Variants in ATG5 observed in about 807,000 individuals in gnomAD.
ATG5 encodes autophagy related 5.
In ATG5, 14 loss-of-function variants were observed where a neutral mutation model predicts 36.5. That is an observed-to-expected ratio of 0.38 (90% CI 0.25 to 0.60). ATG5 has a LOEUF of 0.60. Among genes scored for constraint, ATG5 ranks in the 20% least tolerant of loss-of-function variants. The pLI, the probability that ATG5 is intolerant of heterozygous loss-of-function variation, is 0.60. For missense variants in ATG5, 195 were observed against 326.7 expected, an observed-to-expected ratio of 0.60 and a Z score of 3.11; for synonymous variants, 95 against 101.5, an observed-to-expected ratio of 0.94 and a Z score of 0.38.
intron 6 of ATG5, among the ~76,000 whole-genome samples, chr6:106,204,485 C>G (rs1776556539): frequency 6.6e-6 from 1 of 152,022 alleles, no homozygotes; most frequent in Admixed American, 6.6e-5. Context: ...GATTGATATC[C>G]TTTGATATGT....
rs1778425828 is a variant in ATG5, at chr6:106,248,231, C to T, written c.492G>A (p.Gln164=). 1 of 1,606,846 alleles carries T rather than the reference C, an allele frequency of 6.2e-7. No individual in the cohort carries two copies. Among genetic ancestry groups the T allele is most frequent in the Non-Finnish European group, 8.5e-7 (1 of 1,173,606 alleles). ...WMGLQNDRFD[Q]FWAINRKLME... is the part of the protein sequence containing the mutation. Reference sequence around the variant, plus strand: ...TGAGTTTCCGATTGATGGCCCAAAACTGGTCAAATCTGTCTGTAATGATAT... The same window carrying T: ...TGAGTTTCCGATTGATGGCCCAAAATTGGTCAAATCTGTCTGTAATGATAT... Residue 164 remains glutamine (Q), a synonymous_variant, in exon 6 of 8, where the codon CAG becomes CAA. Coordinates refer to ENST00000369076, the MANE Select transcript of ATG5 (RefSeq NM_004849.4).
At chr6:106,226,574 A>G (rs1379005812) in intron 6 of ATG5, among the ~76,000 whole-genome samples, 1 of 152,224 alleles carries the variant, frequency 6.6e-6, no homozygotes, top group Non-Finnish European at 1.5e-5. Flanking sequence ...GGAAAGTATC[A>G]GAACAATATT....
intron 5 of ATG5, among the ~76,000 whole-genome samples, chr6:106,267,641 T>G (rs184164783): frequency 9.2e-5 from 14 of 152,030 alleles, no homozygotes; most frequent in African/African-American, 1.4e-4. Flanking sequence ...CCAAAACAGA[T>G]ATATAGACCA....
At chr6:106,245,211 C>T (rs558991465) in intron 6 of ATG5, among the ~76,000 whole-genome samples, 7 of 152,246 alleles carry the variant, frequency 4.6e-5, no homozygotes, top group Non-Finnish European at 5.9e-5. Context: ...CACTAAAAAT[C>T]GGTCACCTGA....
intron 4 of ATG5, among the ~76,000 whole-genome samples, chr6:106,291,463 A>G (rs913823025): frequency 2.6e-5 from 4 of 152,208 alleles, no homozygotes; most frequent in African/African-American, 9.7e-5. Flanking sequence ...ACATCCTGAT[A>G]TTATTATATC....
intron 6 of ATG5, among the ~76,000 whole-genome samples, chr6:106,228,329 G>C (rs1174497322): frequency 1.3e-5 from 2 of 152,240 alleles, no homozygotes; most frequent in African/African-American, 4.8e-5. Context: ...CAGGGTGTCC[G>C]TTGTGCTCCT....
Position 106,208,824 on chromosome 6 carries a change from G to GT in ATG5, c.574-6736dup, listed in dbSNP as rs1776742031. ...ATATAAGAACTCCCAAAATTCAACA[G>GT]TTTTTAAAAAAAGCAAATAATCCAA... On this transcript the variant is annotated intron_variant, in intron 6 of 7. Coordinates refer to ENST00000369076, the MANE Select transcript of ATG5 (RefSeq NM_004849.4). Among the ~76,000 whole-genome samples, 6 of 152,060 alleles carry GT rather than the reference G, an allele frequency of 3.9e-5. No individual in the cohort carries two copies. The South Asian group carries it at 1.2e-3, about 32-fold the overall frequency.
chr6:106,209,421 T>C (rs1025995906), intron 6 of ATG5, among the ~76,000 whole-genome samples: 1 of 152,144 alleles, frequency 6.6e-6, no homozygotes, highest in Non-Finnish European at 1.5e-5. Flanking sequence ...GTGAAAAAAG[T>C]CAATCTCAAA....
At chr6:106,212,812 AAG>A (rs1680561297) in intron 6 of ATG5, among the ~76,000 whole-genome samples, 1 of 152,254 alleles carries the variant, frequency 6.6e-6, no homozygotes, top group African/African-American at 2.4e-5. Context: ...AATGGTGACA[AAG>A]ATGAATAGCA....
intron 5 of ATG5, among the ~76,000 whole-genome samples, chr6:106,249,597 T>G (rs1387539902): frequency 6.6e-6 from 1 of 152,242 alleles, no homozygotes; most frequent in East Asian, 1.9e-4. Flanking sequence ...TCAGTTCTCT[T>G]GGGTATGTAC....
intron 5 of ATG5, among the ~76,000 whole-genome samples, chr6:106,269,566 G>C (rs111491446): frequency 1.3e-5 from 2 of 152,260 alleles, no homozygotes; most frequent in African/African-American, 2.4e-5. Context: ...AGGCAGCTAA[G>C]GCCAGGTGAG....
chr6:106,233,122 G>A (rs1392616216), intron 6 of ATG5, among the ~76,000 whole-genome samples: 8 of 152,080 alleles, frequency 5.3e-5, no homozygotes, highest in African/African-American at 4.8e-5. Context: ...AAATTTTCTC[G>A]CTACCTGTGG....
intron 5 of ATG5, among the ~76,000 whole-genome samples, chr6:106,257,073 G>T (rs1037701429): frequency 3.3e-5 from 5 of 151,936 alleles, no homozygotes; most frequent in Non-Finnish European, 5.9e-5. Flanking sequence ...TAAAAACTAA[G>T]ACACAAATAC....
chr6:106,215,942 A>G (rs1218333597), intron 6 of ATG5, among the ~76,000 whole-genome samples: 1 of 152,236 alleles, frequency 6.6e-6, no homozygotes, highest in Non-Finnish European at 1.5e-5. Flanking sequence ...AAAATGAGCA[A>G]AGGATCTGAA....
At chr6:106,293,918 T>C (rs1237493551) in intron 3 of ATG5, among the ~76,000 whole-genome samples, 1 of 151,994 alleles carries the variant, frequency 6.6e-6, no homozygotes, top group Non-Finnish European at 1.5e-5. Context: ...ACAGGTTGAG[T>C]ATCCCATTTC....
rs920679208 is a variant in ATG5 at position 106,290,739 on chromosome 6, T to C, written c.315+2289A>G. Among the ~76,000 whole-genome samples the C allele has an allele frequency of 3.9e-5, 6 of 152,352 alleles. No individual in the cohort carries two copies. In the South Asian group the frequency reaches 1.0e-3, roughly 26 times the overall value. Reference sequence around the variant, plus strand: ...TGGATCTTTTTACACATGCATGATCTTGTAACATCAAGCACTGGTCATCTG... The same window carrying C: ...TGGATCTTTTTACACATGCATGATCCTGTAACATCAAGCACTGGTCATCTG... On this transcript the variant is annotated intron_variant, in intron 4 of 7. Coordinates refer to ENST00000369076, the MANE Select transcript of ATG5 (RefSeq NM_004849.4).
At chr6:106,280,775 AG>A (rs1333353402) in intron 4 of ATG5, among the ~76,000 whole-genome samples, 1 of 152,150 alleles carries the variant, frequency 6.6e-6, no homozygotes, top group Non-Finnish European at 1.5e-5. Context: ...AAAAAATTAA[AG>A]CTTAGGGAAT....
intron 3 of ATG5, among the ~76,000 whole-genome samples, chr6:106,294,499 T>C (rs1780452345): frequency 6.6e-6 from 1 of 151,854 alleles, no homozygotes; most frequent in Middle Eastern, 3.4e-3. Flanking sequence ...CATCAGTTTC[T>C]AGAGATCATG....
chr6:106,263,190 T>C (rs1030690789), intron 5 of ATG5, among the ~76,000 whole-genome samples: 2 of 152,196 alleles, frequency 1.3e-5, no homozygotes, highest in Non-Finnish European at 2.9e-5. Context: ...GAGGCTTTAC[T>C]AGGCAGTTTT....
Sources: allele counts gnomAD v4.1 joint callset (sites outside exome capture counted in the v4.1 genomes callset), GRCh38; gene constraint gnomAD v4.1.1; transcripts MANE v1.5; gene names NCBI Gene and HGNC (gene_info 2026-07-23, HGNC 2026-07-21).